Variants in PRSS58 observed in about 807,000 individuals in gnomAD.
PRSS58 encodes the protein serine protease 58.
PRSS58 carries 31 observed loss-of-function variants against 25.0 expected under a neutral mutation model. That is an observed-to-expected ratio of 1.24 (90% CI 0.93 to 1.67). PRSS58 has a LOEUF of 1.67. PRSS58 is among the 40% of genes most tolerant of loss of function. The pLI, the probability that PRSS58 is intolerant of heterozygous loss-of-function variation, is 0.00. For missense variants in PRSS58, 324 were observed against 287.9 expected (o/e 1.13, Z -0.91); for synonymous variants, 119 against 106.1 (o/e 1.12, Z -0.75).
At chr7:142,255,001 C>T (rs575167683) in intron 4 of PRSS58, 54 bp downstream of exon 4, 2 of 1,570,866 alleles carry the variant, frequency 1.3e-6, no homozygotes, top group East Asian at 2.2e-5. Context: ...CCAAGAGTCG[C>T]GAAGGTGTAG....
At chr7:142,253,113 G>A (rs775524044) in intron 4 of PRSS58, among the ~76,000 whole-genome samples, 4 of 152,142 alleles carry the variant, frequency 2.6e-5, no homozygotes, top group Admixed American at 1.3e-4. Context: ...CTCAAGAAGC[G>A]GAGGTTGCTA....
intron 4 of PRSS58, 74 bp from the exon 5 acceptor site, chr7:142,252,685 T>A: frequency 6.8e-7 from 1 of 1,467,058 alleles, no homozygotes; most frequent in Non-Finnish European, 9.1e-7. Context: ...AAAACTTTTC[T>A]TCTTCTACCA....
rs370140173 is a variant in PRSS58 at position 142,252,373 on chromosome 7, G to C, written c.577-3C>G. On this transcript the variant is annotated splice_region_variant and splice_polypyrimidine_tract_variant and intron_variant, in intron 5 of 5. Coordinates refer to ENST00000547058, the MANE Select transcript of PRSS58 (RefSeq NM_001001317.5). ...ATTGCCGGGGCAGCAGAAACTTCCT[G>C]CCAGGAAAACAATAATAACAACAAC... The C allele has an allele frequency of 1.8e-5, 29 of 1,612,308 alleles. No individual in the cohort carries two copies. In the African/African-American group the frequency reaches 2.4e-4, roughly 13 times the overall value.
chr7:142,255,550 G>A lies in PRSS58; in HGVS notation c.164C>T (p.Ala55Val). 1.2e-6 allele frequency: 2 copies of A among 1,614,092 alleles called. No homozygotes were observed. Among genetic ancestry groups the A allele is most frequent in the Non-Finnish European group, 1.7e-6 (2 of 1,179,988 alleles). Residue 55 changes from alanine to valine, a missense_variant, in exon 3 of 6, where the codon GCA becomes GTA. Transcript: ENST00000547058. ...LIHPLWVITAAHCNLPKLRVI... is the reference protein window; with the variant it reads ...LIHPLWVITAVHCNLPKLRVI... ...TATCACTCACGGTAAATTGCAGTGT[G>A]CAGCTGTGATCACCCAAAGCGGGTG...
chr7:142,256,046 T>G (rs1463141497), intron 2 of PRSS58, among the ~76,000 whole-genome samples: 1 of 152,150 alleles, frequency 6.6e-6, no homozygotes, highest in Non-Finnish European at 1.5e-5. Flanking sequence ...CTTTAATAAG[T>G]CTTATCTCTT....
intron 4 of PRSS58, among the ~76,000 whole-genome samples, chr7:142,253,712 C>T (rs182692828): frequency 1.3e-5 from 2 of 152,202 alleles, no homozygotes; most frequent in East Asian, 1.9e-4. Context: ...CATGGCTAAA[C>T]ATTTCTTTTG....
Position 142,255,207 on chromosome 7 carries a change from A to G in PRSS58, c.284T>C (p.Val95Ala), listed in dbSNP as rs1287743137. The G allele has an allele frequency of 6.2e-7, 1 of 1,614,136 alleles. No individual in the cohort carries two copies. The highest frequency in any genetic ancestry group is 8.5e-7 in the Non-Finnish European group (1 of 1,179,980). The change falls in exon 4 of 6, where the codon GTC becomes GCC. Residue 95 changes from valine to alanine, a missense_variant. Transcript: ENST00000547058. The stretch of plus-strand genomic sequence containing the variant: ...CATGATGTCATGATCAATAGAAGTG[A>G]CTGAGAAGTGTGGATGATGAATCAT... ...EKMIHHPHFS[V>A]TSIDHDIMLI...
At chr7:142,256,025 G>GAATGCTTTAATAAGTCTTAAGGCATTCTT (rs1798550710) in intron 2 of PRSS58, among the ~76,000 whole-genome samples, 1 of 151,974 alleles carries the variant, frequency 6.6e-6, no homozygotes, top group Non-Finnish European at 1.5e-5. Context: ...AAGGCATTCT[G>GAATGCTTTAATAAGTCTTAAGGCATTCTT]ATTTAGAATG....
chr7:142,255,758 A>G (rs2116387289), intron 2 of PRSS58, 85 bp from the exon 3 acceptor site: 1 of 1,234,300 alleles, frequency 8.1e-7, no homozygotes, highest in Non-Finnish European at 1.1e-6. Context: ...AATAGGCTCC[A>G]AGTTCCCCTA....
At chr7:142,255,348 G>C (rs1184672008) in intron 3 of PRSS58, 37 bp from the exon 4 acceptor site, 1 of 1,602,970 alleles carries the variant, frequency 6.2e-7, no homozygotes, top group Middle Eastern at 1.7e-4. Context: ...GGACTTAACA[G>C]AGATGGCTTC....
rs766674796 is a variant in PRSS58 at position 142,255,295 on chromosome 7, A to G, written c.196T>C (p.Leu66=). ...HCNLPKLRVI[L]GVTIPADSNE... The stretch of plus-strand genomic sequence containing the variant: ...GAGTCTGCTGGGATTGTAACCCCCA[A>G]TATCACCCGAAGCTTTCTGGAACAA... Residue 66 remains leucine, a synonymous_variant, in exon 4 of 6, where the codon TTG becomes CTG. Transcript: ENST00000547058. The G allele has an allele frequency of 6.2e-6, 10 of 1,613,678 alleles. No individual in the cohort carries two copies. The South Asian group carries it at 8.8e-5, about 14-fold the overall frequency.
At chr7:142,252,901 AT>A (rs1222684836) in intron 4 of PRSS58, among the ~76,000 whole-genome samples, 4 of 152,226 alleles carry the variant, frequency 2.6e-5, no homozygotes, top group Admixed American at 6.5e-5. Flanking sequence ...TTTTCTGGAA[AT>A]TTGGCTGGGC....
chr7:142,257,292 T>C (rs1196454884), intron 2 of PRSS58, among the ~76,000 whole-genome samples: 1 of 152,186 alleles, frequency 6.6e-6, no homozygotes, highest in Non-Finnish European at 1.5e-5. Flanking sequence ...AGAGGATTTA[T>C]GAATAAGCCT....
At chr7:142,257,939 A>C (rs1404549370) in intron 1 of PRSS58, 52 bp downstream of exon 1, 7 of 517,732 alleles carry the variant, frequency 1.4e-5, no homozygotes, top group Non-Finnish European at 2.4e-5. Flanking sequence ...ATACAGTTGA[A>C]AATGGTTCTG....
chr7:142,255,597 C>A lies in PRSS58; in HGVS notation c.117G>T (p.Leu39Phe), dbSNP rs367758482. 1.2e-6 allele frequency: 2 copies of A among 1,613,892 alleles called. No individual in the cohort carries two copies. Among genetic ancestry groups the A allele is most frequent in the Non-Finnish European group, 1.7e-6 (2 of 1,179,950 alleles). ...GGTGGATCAGGACTCCAGCGCAGGGCAAGTAGTCAGATTTCAAATAGACCA... is the reference window on the plus strand; with the variant it reads ...GGTGGATCAGGACTCCAGCGCAGGGAAAGTAGTCAGATTTCAAATAGACCA... ...PYLVYLKSDY[L>F]PCAGVLIHPL... Residue 39 changes from leucine to phenylalanine, a missense_variant, in exon 3 of 6, where the codon TTG becomes TTT. Physicochemically the swap from Leu to Phe is conservative, Grantham distance 22. Transcript: ENST00000547058.
chr7:142,257,490 C>A (rs770306200), intron 2 of PRSS58, among the ~76,000 whole-genome samples, 178 bp downstream of exon 2: 45 of 152,034 alleles, frequency 3.0e-4, no homozygotes, highest in Non-Finnish European at 5.4e-4. Flanking sequence ...AAACCTCCTG[C>A]GGCAGGCAGG....
chr7:142,255,057 A>G lies in PRSS58; in HGVS notation c.434T>C (p.Ile145Thr), dbSNP rs370468804. ...GAAGAACATTGTCTTGAACTCACAG[A>G]TATCACACACATTGTAGCTCCAGGT... ...VSTWSYNVCD[I>T]YKEPDSLQTV... is the part of the protein sequence containing the mutation. Residue 145 changes from isoleucine to threonine, a missense_variant and splice_region_variant, in exon 4 of 6, where the codon ATC becomes ACC. Transcript: ENST00000547058. 4 of 1,613,806 alleles carry G rather than the reference A, an allele frequency of 2.5e-6. No homozygotes were observed. In the African/African-American group the frequency reaches 5.3e-5, roughly 22 times the overall value.
At chr7:142,256,979 A>G (rs1798566476) in intron 2 of PRSS58, among the ~76,000 whole-genome samples, 2 of 152,192 alleles carry the variant, frequency 1.3e-5, no homozygotes, top group African/African-American at 4.8e-5. Context: ...AAAGGGGCTC[A>G]AAGAAGAATG....
intron 4 of PRSS58, 35 bp from the exon 5 acceptor site, chr7:142,252,646 GT>G (rs757235855): frequency 2.7e-5 from 43 of 1,581,200 alleles, no homozygotes; most frequent in Non-Finnish European, 3.5e-5. Context: ...TTCCTTAAGA[GT>G]TTTGTTAGGT....
Sources: allele counts gnomAD v4.1 joint callset (sites outside exome capture counted in the v4.1 genomes callset), GRCh38; gene constraint gnomAD v4.1.1; transcripts MANE v1.5; gene names NCBI Gene and HGNC (gene_info 2026-07-23, HGNC 2026-07-21).